Variants in HS6ST3 observed in about 807,000 individuals in gnomAD.
HS6ST3 encodes the protein heparan-sulfate 6-O-sulfotransferase 3.
HS6ST3 carries 12 observed loss-of-function variants against 36.7 expected under a neutral mutation model. That is an observed-to-expected ratio of 0.33 (90% CI 0.21 to 0.53). The LOEUF (loss-of-function observed/expected upper bound fraction) is 0.53, where lower values mean the gene tolerates loss of function less well. Ranked by LOEUF, HS6ST3 falls within the 20% of genes least tolerant of loss-of-function variation. The pLI is 0.95. For missense variants in HS6ST3, 584 were observed against 640.9 expected (o/e 0.91, Z 0.96); for synonymous variants, 240 against 257.5 (o/e 0.93, Z 0.65).
chr13:96,672,488 A>G (rs1404687949), intron 1 of HS6ST3, among the ~76,000 whole-genome samples: 2 of 151,882 alleles, frequency 1.3e-5, no homozygotes, highest in Non-Finnish European at 2.9e-5. Flanking sequence ...TCCATCTCCA[A>G]CCTCAGCTGT....
chr13:96,134,948 T>C (rs914193936), intron 1 of HS6ST3, among the ~76,000 whole-genome samples: 1 of 152,226 alleles, frequency 6.6e-6, no homozygotes, highest in Admixed American at 6.5e-5. Context: ...TATATTAGAC[T>C]CTGCACAGTC....
chr13:96,577,815 G>A (rs941166205), intron 1 of HS6ST3, among the ~76,000 whole-genome samples: 5 of 152,178 alleles, frequency 3.3e-5, no homozygotes, highest in African/African-American at 7.2e-5. Context: ...CAGTTAGAAT[G>A]GCGATCATTA....
chr13:96,156,491 T>C (rs1348496013), intron 1 of HS6ST3, among the ~76,000 whole-genome samples: 3 of 152,218 alleles, frequency 2.0e-5, no homozygotes, highest in Non-Finnish European at 4.4e-5. Context: ...CAGAATTGAA[T>C]ACCACTTCTT....
chr13:96,732,892 G>C (rs996917864), intron 1 of HS6ST3, among the ~76,000 whole-genome samples: 3 of 152,146 alleles, frequency 2.0e-5, no homozygotes, highest in Admixed American at 1.3e-4. Flanking sequence ...AGTATTTTTT[G>C]TAACTATTGT....
At chr13:96,360,387 C>T (rs1047885066) in intron 1 of HS6ST3, among the ~76,000 whole-genome samples, 1 of 151,982 alleles carries the variant, frequency 6.6e-6, no homozygotes, top group Non-Finnish European at 1.5e-5. Context: ...AATATTGAAT[C>T]CCTCTAGGGA....
chr13:96,212,214 T>G (rs1187701946), intron 1 of HS6ST3, among the ~76,000 whole-genome samples: 1 of 152,234 alleles, frequency 6.6e-6, no homozygotes, highest in Non-Finnish European at 1.5e-5. Context: ...ATGCCTGGGT[T>G]TTTTAGTTTT....
intron 1 of HS6ST3, among the ~76,000 whole-genome samples, chr13:96,144,629 TTTTA>T (rs2054047542): frequency 6.6e-6 from 1 of 151,694 alleles, no homozygotes; most frequent in South Asian, 2.1e-4. Flanking sequence ...AATTATTTTA[TTTTA>T]TTTAATTAAT....
chr13:96,158,476 C>A (rs915545526), intron 1 of HS6ST3, among the ~76,000 whole-genome samples: 7 of 151,652 alleles, frequency 4.6e-5, no homozygotes, highest in Non-Finnish European at 2.9e-5. Flanking sequence ...CATGGTGAAA[C>A]CCTGTCTTTA....
chr13:96,570,036 A>T (rs1274811753), intron 1 of HS6ST3, among the ~76,000 whole-genome samples: 2 of 152,232 alleles, frequency 1.3e-5, no homozygotes, highest in Non-Finnish European at 2.9e-5. Flanking sequence ...AATAAAACTG[A>T]GACATTATTA....
chr13:96,517,598 T>G (rs148577889), intron 1 of HS6ST3, among the ~76,000 whole-genome samples: 1 of 152,246 alleles, frequency 6.6e-6, no homozygotes, highest in Non-Finnish European at 1.5e-5. Flanking sequence ...CATTTTCCTT[T>G]TTTTCTTAAC....
chr13:96,621,783 A>T (rs2056496062), intron 1 of HS6ST3, among the ~76,000 whole-genome samples: 1 of 152,208 alleles, frequency 6.6e-6, no homozygotes, highest in South Asian at 2.1e-4. Flanking sequence ...GTCATAGCCT[A>T]ATCAGCCGAG....
intron 1 of HS6ST3, among the ~76,000 whole-genome samples, chr13:96,683,918 C>T (rs1441415554): frequency 6.6e-6 from 1 of 152,046 alleles, no homozygotes; most frequent in African/African-American, 2.4e-5. Context: ...GTAGGCATTT[C>T]TGTGCCAAAT....
intron 1 of HS6ST3, among the ~76,000 whole-genome samples, chr13:96,430,213 C>T (rs181676280): frequency 6.6e-6 from 1 of 152,132 alleles, no homozygotes; most frequent in African/African-American, 2.4e-5. Flanking sequence ...TAAAATGAAC[C>T]TAATTTCTGG....
chr13:96,668,453 G>A (rs781412828), intron 1 of HS6ST3, among the ~76,000 whole-genome samples: 18 of 152,124 alleles, frequency 1.2e-4, no homozygotes, highest in Non-Finnish European at 2.2e-4. Context: ...AATGCTTCCT[G>A]ACATAATAAG....
At chr13:96,202,297 C>T (rs1372304365) in intron 1 of HS6ST3, among the ~76,000 whole-genome samples, 7 of 152,148 alleles carry the variant, frequency 4.6e-5, no homozygotes, top group Admixed American at 4.6e-4. Context: ...TTCAGGTACT[C>T]CTCACATCCA....
chr13:96,665,753 A>C (rs2138427655), intron 1 of HS6ST3, among the ~76,000 whole-genome samples: 1 of 152,254 alleles, frequency 6.6e-6, no homozygotes, highest in African/African-American at 2.4e-5. Context: ...CCATCTGAAG[A>C]TCCCAGAGTA....
At chr13:96,606,704 C>T (rs1460339594) in intron 1 of HS6ST3, among the ~76,000 whole-genome samples, 4 of 151,580 alleles carry the variant, frequency 2.6e-5, no homozygotes, top group Non-Finnish European at 5.9e-5. Flanking sequence ...ATACCCCATA[C>T]CTCAGTGAAA....
intron 1 of HS6ST3, among the ~76,000 whole-genome samples, chr13:96,210,231 A>T (rs2054392170): frequency 6.6e-6 from 1 of 152,260 alleles, no homozygotes; most frequent in African/African-American, 2.4e-5. Context: ...GAAGTGACAA[A>T]TGTAAGCCAA....
intron 1 of HS6ST3, among the ~76,000 whole-genome samples, chr13:96,580,215 TA>T (rs2056336910): frequency 1.4e-5 from 2 of 147,998 alleles, no homozygotes; most frequent in African/African-American, 4.9e-5. Flanking sequence ...TATATATATA[TA>T]TATATATATA....
Sources: gnomAD v4.1 joint callset for allele counts (sites outside exome capture counted in the v4.1 genomes callset) on GRCh38, gnomAD v4.1.1 for gene constraint, MANE v1.5 for transcripts, NCBI Gene and HGNC (gene_info 2026-07-23, HGNC 2026-07-21) for gene names.